The following KLHL29 variants were observed in gnomAD, a reference collection of about 807,000 sequenced individuals.
KLHL29 encodes kelch like family member 29.
In KLHL29, 21 loss-of-function variants were observed where a neutral mutation model predicts 80.4. The observed-to-expected ratio is 0.26, with a 90% CI of 0.19 to 0.38. The LOEUF is 0.38. Ranked by LOEUF, KLHL29 falls within the 10% of genes least tolerant of loss-of-function variation. The probability of loss-of-function intolerance (pLI) is 1.00; values close to 1 mark genes in which losing one functional copy is unlikely to be tolerated. For missense variants in KLHL29, 867 were observed against 1,223.9 expected (o/e 0.71, Z 4.35); for synonymous variants, 511 against 526.8 (o/e 0.97, Z 0.41).
At chr2:23,534,801 TAGAA>T (rs1330399670) in intron 2 of KLHL29, among the ~76,000 whole-genome samples, 4 of 152,280 alleles carry the variant, frequency 2.6e-5, no homozygotes, top group Admixed American at 1.3e-4. Context: ...ACTGCAGAAT[TAGAA>T]AGAAAAAACA....
intron 1 of KLHL29, among the ~76,000 whole-genome samples, chr2:23,475,256 G>A (rs995101585): frequency 6.6e-6 from 1 of 151,998 alleles, no homozygotes; most frequent in East Asian, 1.9e-4. Context: ...GTGGGGATTA[G>A]GGCTGTGTGT....
intron 2 of KLHL29, among the ~76,000 whole-genome samples, chr2:23,543,178 C>T (rs1461117872): frequency 2.0e-5 from 3 of 152,152 alleles, no homozygotes; most frequent in Non-Finnish European, 4.4e-5. Context: ...GACATCTCTG[C>T]TCTAACCACA....
intron 5 of KLHL29, chr2:23,644,227 A>G (rs1669857333): frequency 6.6e-6 from 1 of 151,998 alleles, no homozygotes; most frequent in African/African-American, 2.4e-5. Context: ...AAATGACTAA[A>G]TTGATTTTTT....
chr2:23,617,025 T>A (rs546590699), intron 3 of KLHL29: 2 of 152,198 alleles, frequency 1.3e-5, no homozygotes, highest in Non-Finnish European at 2.9e-5. Flanking sequence ...AATAGAAGAA[T>A]CCTTGTGAAA....
chr2:23,390,591 T>C (rs1352367329), intron 1 of KLHL29, among the ~76,000 whole-genome samples: 1 of 151,956 alleles, frequency 6.6e-6, no homozygotes, highest in Admixed American at 6.6e-5. Context: ...TACACAAATA[T>C]ATGTTCTGTC....
chr2:23,675,443 AC>A (rs113262839), intron 5 of KLHL29, among the ~76,000 whole-genome samples: 1,548 of 152,164 alleles, frequency 0.01, 27 homozygotes, highest in African/African-American at 0.034. Flanking sequence ...AAGAGACTGT[AC>A]CCCTTGACTC....
intron 11 of KLHL29, among the ~76,000 whole-genome samples, chr2:23,702,134 T>C (rs2551358): frequency 0.015 from 2,268 of 152,252 alleles, 22 homozygotes; most frequent in South Asian, 0.03. Context: ...ACATGGCTCT[T>C]TTTAACTACC....
Position 23,694,834 on chromosome 2 carries a change from C to A in KLHL29, c.1543-789C>A, listed in dbSNP as rs541321176. On this transcript the variant is annotated intron_variant, in intron 8 of 13. Transcript: ENST00000486442. Reference sequence around the variant, plus strand: ...TCTGCAAAACCTCTTACTCCTGCACCCACTACAAACCCTCACTAGACACTC... The same window carrying A: ...TCTGCAAAACCTCTTACTCCTGCACACACTACAAACCCTCACTAGACACTC... Among the ~76,000 whole-genome samples, 9 of 152,228 alleles carry A rather than the reference C, an allele frequency of 5.9e-5. No individual in the cohort carries two copies. The South Asian group carries it at 1.9e-3, about 32-fold the overall frequency.
chr2:23,444,823 G>A (rs1449854912), intron 1 of KLHL29, among the ~76,000 whole-genome samples: 1 of 152,088 alleles, frequency 6.6e-6, no homozygotes, highest in Non-Finnish European at 1.5e-5. Flanking sequence ...GAGTTCAAAT[G>A]AGTTGAAAAG....
chr2:23,563,460 C>T (rs1212495290), intron 3 of KLHL29, among the ~76,000 whole-genome samples: 1 of 152,204 alleles, frequency 6.6e-6, no homozygotes, highest in Non-Finnish European at 1.5e-5. Flanking sequence ...GGGCAGTGTC[C>T]GTGTACATGC....
chr2:23,521,065 G>A (rs954405525), intron 2 of KLHL29, among the ~76,000 whole-genome samples: 9 of 149,312 alleles, frequency 6.0e-5, no homozygotes, highest in Non-Finnish European at 8.8e-5. Flanking sequence ...CCCAAGCTAC[G>A]TACATAACCG....
At chr2:23,408,518 A>C (rs530819156) in intron 1 of KLHL29, among the ~76,000 whole-genome samples, 55 of 152,250 alleles carry the variant, frequency 3.6e-4, no homozygotes, top group Non-Finnish European at 4.6e-4. Context: ...TGCTCTTAGA[A>C]ACTTCATTCC....
At chr2:23,486,144 G>A (rs72613817) in intron 2 of KLHL29, among the ~76,000 whole-genome samples, 19,056 of 152,056 alleles carry the variant, frequency 0.13, 1,350 homozygotes, top group East Asian at 0.27. Flanking sequence ...GACAGCCACT[G>A]GGCTGCATCC....
Position 23,626,443 on chromosome 2 carries a change from A to C in KLHL29, c.286-12696A>C, listed in dbSNP as rs568716071. The stretch of plus-strand genomic sequence containing the variant: ...AGTGATATTTTATTTTGGCAGCCTG[A>C]GCTGACTAATGCAGTGAGGAGCAGA... On this transcript the variant is annotated intron_variant, in intron 3 of 13. Transcript: ENST00000486442. Among the ~76,000 whole-genome samples the C allele has an allele frequency of 3.9e-5, 6 of 152,332 alleles. No individual in the cohort carries two copies. The South Asian group carries it at 1.2e-3, about 32-fold the overall frequency.
rs1667460343 is a variant in KLHL29 at position 23,562,091 on chromosome 2, T to C, written c.-45-61T>C. 7.6e-7 allele frequency: 1 copy of C among 1,316,674 alleles called. No individual in the cohort carries two copies. The highest frequency in any genetic ancestry group is 1.0e-6 in the Non-Finnish European group (1 of 955,074). The allele number at this position is 1,316,674 out of a possible 1,614,324, so 81.6% of individuals were successfully genotyped here. ...CCCAGAGAAGGGGCTTCATGGATGC[T>C]GTCAGTTGTCGCTGCCTGCTCCAGT... On this transcript the variant is annotated intron_variant, in intron 2 of 13. Transcript: ENST00000486442. The surrounding 1 kb of genome is among the most constrained non-coding windows in gnomAD (Gnocchi z 4.5).
At chr2:23,665,714 C>A (rs1670535773) in intron 5 of KLHL29, among the ~76,000 whole-genome samples, 1 of 152,144 alleles carries the variant, frequency 6.6e-6, no homozygotes, top group African/African-American at 2.4e-5. Context: ...AAGGTGAGGG[C>A]AGACAGAAGA....
At position 23,509,988 on chromosome 2, in the gene KLHL29, T is replaced by G. The variant is rs146021391; in HGVS notation, c.-46+34321T>G. 1.9e-3 allele frequency among the ~76,000 whole-genome samples: 286 copies of G among 152,328 alleles called. 3 individuals are homozygous for G. The highest frequency in any genetic ancestry group is 6.3e-3 in the African/African-American group (261 of 41,560). On this transcript the variant is annotated intron_variant, in intron 2 of 13. Transcript: ENST00000486442. ...ATTTGATTTATATTCCAAAAAAGAT[T>G]TCCATTCCATCATTCCTTCCTGAGA...
At chr2:23,484,770 C>G (rs1323552373) in intron 2 of KLHL29, among the ~76,000 whole-genome samples, 1 of 152,230 alleles carries the variant, frequency 6.6e-6, no homozygotes, top group East Asian at 1.9e-4. Flanking sequence ...ACTGCTGCCT[C>G]TGTGGATCAG....
At chr2:23,401,128 G>A (rs1238813665) in intron 1 of KLHL29, among the ~76,000 whole-genome samples, 1 of 152,184 alleles carries the variant, frequency 6.6e-6, no homozygotes, top group African/African-American at 2.4e-5. Flanking sequence ...AGTACCTCAT[G>A]TCATGACATA....
Sources: gnomAD v4.1 joint callset for allele counts (sites outside exome capture counted in the v4.1 genomes callset) on GRCh38, gnomAD v4.1.1 for gene constraint, Gnocchi (gnomAD v3.1) non-coding constraint, MANE v1.5 for transcripts, NCBI Gene and HGNC (gene_info 2026-07-23, HGNC 2026-07-21) for gene names.